The following OLA1 variants were observed in gnomAD, a reference collection of about 807,000 sequenced individuals.
The protein encoded by OLA1 is Obg like ATPase 1, also known as obg-like ATPase 1.
OLA1 carries 14 observed loss-of-function variants against 48.4 expected under a neutral mutation model. That is an observed-to-expected ratio of 0.29 (90% CI 0.19 to 0.45). The LOEUF (loss-of-function observed/expected upper bound fraction) is 0.45. Among genes scored for constraint, OLA1 ranks in the 20% least tolerant of loss-of-function variants. The probability of loss-of-function intolerance (pLI) is 1.00; values close to 1 mark genes in which losing one functional copy is unlikely to be tolerated. For synonymous variants in OLA1, 127 were observed against 150.4 expected (o/e 0.84, Z 1.14); for missense variants, 325 against 467.1 (o/e 0.70, Z 2.80).
At position 174,142,000 on chromosome 2, in the gene OLA1, C is replaced by T; in HGVS notation, c.374G>A (p.Arg125His). The T allele has an allele frequency of 2.5e-6, 4 of 1,612,562 alleles. No individual in the cohort carries two copies. Among genetic ancestry groups the T allele is most frequent in the Non-Finnish European group, 3.4e-6 (4 of 1,179,410 alleles). ...SACDGIFHLTRAFEDDDITHV... is the reference protein window; with the variant it reads ...SACDGIFHLTHAFEDDDITHV... ...CGTGATATCATCATCTTCAAAAGCA[C>T]CTAAAATGAATTAAAGGGAAGCAAT... The change falls in exon 5 of 11, where the codon CGT becomes CAT. Residue 125 changes from arginine (R) to histidine (H), a missense_variant and splice_region_variant. Transcript: ENST00000284719.
At chr2:174,081,869 T>G in intron 8 of OLA1, 55 bp downstream of exon 8, 2 of 1,552,328 alleles carry the variant, frequency 1.3e-6, no homozygotes, top group Non-Finnish European at 1.8e-6. Flanking sequence ...AGCAATTAAA[T>G]TACTGCAAGG....
chr2:174,105,565 A>T (rs1179634308), intron 7 of OLA1, among the ~76,000 whole-genome samples: 1 of 152,020 alleles, frequency 6.6e-6, no homozygotes, highest in Non-Finnish European at 1.5e-5. Context: ...GAATATTTCA[A>T]ATATGTCAGG....
At chr2:174,114,890 G>A (rs1025445097) in intron 7 of OLA1, among the ~76,000 whole-genome samples, 2 of 152,130 alleles carry the variant, frequency 1.3e-5, no homozygotes, top group African/African-American at 2.4e-5. Context: ...AGCACTTTGA[G>A]AGGCCAAGGC....
intron 4 of OLA1, among the ~76,000 whole-genome samples, chr2:174,179,901 CAG>C (rs1256480304): frequency 6.6e-6 from 1 of 151,980 alleles, no homozygotes; most frequent in African/African-American, 2.4e-5. Flanking sequence ...GAAATAAAAA[CAG>C]ATTAATTTAA....
intron 7 of OLA1, among the ~76,000 whole-genome samples, chr2:174,112,859 C>A (rs1042240283): frequency 2.6e-5 from 4 of 152,180 alleles, no homozygotes; most frequent in African/African-American, 7.2e-5. Context: ...GTTACAGCAG[C>A]AGAAAACAAA....
chr2:174,185,323 AAAAAT>A (rs371335413), intron 4 of OLA1, among the ~76,000 whole-genome samples: 1 of 152,320 alleles, frequency 6.6e-6, no homozygotes, highest in African/African-American at 2.4e-5. Context: ...AAGTGTAGTA[AAAAAT>A]AAAATAAAAT....
intron 4 of OLA1, among the ~76,000 whole-genome samples, chr2:174,197,526 A>G (rs1240615732): frequency 2.6e-5 from 4 of 152,112 alleles, no homozygotes; most frequent in Non-Finnish European, 2.9e-5. Flanking sequence ...CCCAACTCCA[A>G]TGAAGCCCAG....
Position 174,073,193 on chromosome 2 carries a change from G to A in OLA1, c.*2233C>T, listed in dbSNP as rs1463668961. The stretch of plus-strand genomic sequence containing the variant: ...ATGTATTTTTTTATGTAGAGATGAT[G>A]TTTCATGATGTTGCACAGGCTGGTC... On this transcript the variant is annotated 3_prime_UTR_variant, in exon 11 of 11. Coordinates refer to ENST00000284719, the MANE Select transcript of OLA1 (RefSeq NM_013341.5). The A allele has an allele frequency of 6.6e-6, 1 of 152,092 alleles. No homozygotes were observed. The highest frequency in any genetic ancestry group is 2.4e-5 in the African/African-American group (1 of 41,404). 9.4% of individuals were successfully genotyped at this position (152,092 alleles called of 1,614,324 possible).
chr2:174,156,426 T>C (rs779124376), intron 4 of OLA1, among the ~76,000 whole-genome samples: 2 of 152,090 alleles, frequency 1.3e-5, no homozygotes, highest in Non-Finnish European at 2.9e-5. Context: ...GATATTACCA[T>C]AGGTTCAAAT....
At chr2:174,180,855 C>A (rs1002450375) in intron 4 of OLA1, among the ~76,000 whole-genome samples, 6 of 152,172 alleles carry the variant, frequency 3.9e-5, no homozygotes, top group African/African-American at 1.4e-4. Context: ...ATCCTAACTG[C>A]ATGTTTTGGT....
chr2:174,102,398 C>T (rs998277101), intron 7 of OLA1, among the ~76,000 whole-genome samples: 3 of 151,578 alleles, frequency 2.0e-5, no homozygotes, highest in African/African-American at 7.3e-5. Context: ...ACAGAGAAAA[C>T]TCAGTAGAGA....
At chr2:174,163,534 C>A (rs945715023) in intron 4 of OLA1, among the ~76,000 whole-genome samples, 1 of 150,764 alleles carries the variant, frequency 6.6e-6, no homozygotes, top group Admixed American at 6.6e-5. Context: ...ACTAAAACTA[C>A]GAAAATTAGC....
At chr2:174,203,335 A>G (rs934193031) in intron 4 of OLA1, among the ~76,000 whole-genome samples, 1 of 152,214 alleles carries the variant, frequency 6.6e-6, no homozygotes, top group African/African-American at 2.4e-5. Flanking sequence ...TTATAGCCTG[A>G]TCTTTATTTA....
intron 5 of OLA1, among the ~76,000 whole-genome samples, chr2:174,132,292 C>T (rs981066430): frequency 9.9e-5 from 15 of 151,842 alleles, no homozygotes; most frequent in South Asian, 2.1e-4. Context: ...TTTCAAACGA[C>T]GAACTTTTGG....
chr2:174,161,481 A>C (rs1687009953), intron 4 of OLA1, among the ~76,000 whole-genome samples: 1 of 152,130 alleles, frequency 6.6e-6, no homozygotes, highest in South Asian at 2.1e-4. Flanking sequence ...CAATAAAAAC[A>C]TATATTGACC....
chr2:174,206,049 A>G (rs1371501136), intron 4 of OLA1, among the ~76,000 whole-genome samples: 1 of 152,234 alleles, frequency 6.6e-6, no homozygotes, highest in Non-Finnish European at 1.5e-5. Flanking sequence ...AAAGGCATCA[A>G]TGTAAAATTT....
intron 4 of OLA1, among the ~76,000 whole-genome samples, chr2:174,177,532 T>C (rs1200778200): frequency 6.6e-6 from 1 of 152,098 alleles, no homozygotes. Flanking sequence ...TCAAGGAAAA[T>C]ATGAATTCTG....
intron 7 of OLA1, among the ~76,000 whole-genome samples, chr2:174,110,833 C>T (rs116428473): frequency 0.043 from 6,491 of 152,164 alleles, 497 homozygotes; most frequent in African/African-American, 0.15. Context: ...CCTCCTGCCT[C>T]GGTCTCCCAA....
chr2:174,111,799 C>T (rs1296781876), intron 7 of OLA1, among the ~76,000 whole-genome samples: 1 of 152,104 alleles, frequency 6.6e-6, no homozygotes, highest in African/African-American at 2.4e-5. Context: ...CAGAATAAGT[C>T]AGTACATGGT....
Sources: allele counts gnomAD v4.1 joint callset (sites outside exome capture counted in the v4.1 genomes callset), GRCh38; gene constraint gnomAD v4.1.1; transcripts MANE v1.5; gene names NCBI Gene and HGNC (gene_info 2026-07-23, HGNC 2026-07-21).